Variants in SPAM1 observed in about 807,000 individuals in gnomAD.
The protein encoded by SPAM1 is sperm adhesion molecule 1.
A neutral mutation model predicts 29.6 loss-of-function variants in SPAM1; 22 were observed. The ratio of observed to expected loss-of-function variants is 0.74; its 90% confidence interval spans 0.53 to 1.06. SPAM1 has a LOEUF of 1.06. Ranked by LOEUF, SPAM1 falls within the 50% of genes least tolerant of loss-of-function variation. SPAM1 has a pLI of 0.00. For missense variants in SPAM1, 534 were observed against 604.0 expected (o/e 0.88, Z 1.21); for synonymous variants, 194 against 204.6 (o/e 0.95, Z 0.44).
downstream of SPAM1, among the ~76,000 whole-genome samples, chr7:123,960,656 A>G (rs1173263912): frequency 6.6e-6 from 1 of 151,940 alleles, no homozygotes; most frequent in Non-Finnish European, 1.5e-5. Flanking sequence ...TACAAATATT[A>G]CTACCGCCTC....
chr7:123,927,764 C>T (rs1807936199), intron 1 of SPAM1, among the ~76,000 whole-genome samples: 1 of 152,116 alleles, frequency 6.6e-6, no homozygotes, highest in African/African-American at 2.4e-5. Context: ...TGAGTAAAAG[C>T]TACAGGGTCG....
At chr7:123,963,569 T>A (rs983533661), downstream of SPAM1, among the ~76,000 whole-genome samples, 4 of 151,892 alleles carry the variant, frequency 2.6e-5, no homozygotes, top group African/African-American at 9.7e-5. Flanking sequence ...TTAAAGTACA[T>A]CAGTTACAAG....
At chr7:123,937,042 A>G (rs1304037860) in intron 1 of SPAM1, among the ~76,000 whole-genome samples, 1 of 152,210 alleles carries the variant, frequency 6.6e-6, no homozygotes, top group African/African-American at 2.4e-5. Flanking sequence ...TGTATTGTCT[A>G]AATCAGTATC....
intron 1 of SPAM1, among the ~76,000 whole-genome samples, chr7:123,939,091 T>C (rs1808344194): frequency 6.6e-6 from 1 of 151,184 alleles, no homozygotes; most frequent in East Asian, 1.9e-4. Flanking sequence ...AAGTCTTTTT[T>C]TTTTTTTTTT....
intron 4 of SPAM1, among the ~76,000 whole-genome samples, chr7:123,957,115 G>A (rs1232053302): frequency 2.0e-5 from 3 of 151,948 alleles, no homozygotes; most frequent in African/African-American, 7.2e-5. Flanking sequence ...GGAACATAGT[G>A]TTGAAGAATA....
chr7:123,952,092 G>A (rs536781134), intron 2 of SPAM1, among the ~76,000 whole-genome samples: 1 of 152,166 alleles, frequency 6.6e-6, no homozygotes, highest in South Asian at 2.1e-4. Context: ...GTATTTAAAA[G>A]CAATTAGTTT....
Position 123,970,121 on chromosome 7 carries a change from T to A in SPAM1, c.1486-77T>A, listed in dbSNP as rs1275464051. 4 of 1,453,892 alleles carry A rather than the reference T, an allele frequency of 2.8e-6. No individual in the cohort carries two copies. In the East Asian group the frequency reaches 1.0e-4, roughly 36 times the overall value. 90.1% of individuals were successfully genotyped at this position (1,453,892 alleles called of 1,614,324 possible). The stretch of plus-strand genomic sequence containing the variant: ...ATTCTGTATATCTCCATTAGTTTGC[T>A]AGTGATGCTATAACAAAGTGCCACA... On this transcript the variant is annotated intron_variant, in intron 5 of 6. Transcript: ENST00000340011.
At chr7:123,950,438 C>A (rs1269952050) in intron 2 of SPAM1, among the ~76,000 whole-genome samples, 2 of 151,934 alleles carry the variant, frequency 1.3e-5, no homozygotes, top group Non-Finnish European at 2.9e-5. Context: ...TTTCAGAGTG[C>A]CCAGTGTCTA....
chr7:123,929,362 A>G (rs1318051927), intron 1 of SPAM1, among the ~76,000 whole-genome samples: 1 of 151,876 alleles, frequency 6.6e-6, no homozygotes, highest in Non-Finnish European at 1.5e-5. Flanking sequence ...TGTTTTCTTT[A>G]TGTGTGTTTG....
At chr7:123,948,265 T>A (rs1584955523) in intron 1 of SPAM1, among the ~76,000 whole-genome samples, 1 of 152,138 alleles carries the variant, frequency 6.6e-6, no homozygotes, top group Non-Finnish European at 1.5e-5. Context: ...TAGCTTGGAG[T>A]CACTGTTACT....
At chr7:123,939,604 T>C (rs1808365492) in intron 1 of SPAM1, among the ~76,000 whole-genome samples, 1 of 152,196 alleles carries the variant, frequency 6.6e-6, no homozygotes, top group African/African-American at 2.4e-5. Context: ...GTTTAGTTAA[T>C]TAACTAATTA....
intron 1 of SPAM1, among the ~76,000 whole-genome samples, chr7:123,936,804 A>G (rs148957327): frequency 4.6e-4 from 70 of 152,280 alleles, no homozygotes; most frequent in Non-Finnish European, 8.7e-4. Flanking sequence ...TAGCTCTCCA[A>G]TTTCCCTTTT....
At chr7:123,934,111 G>A (rs555662994) in intron 1 of SPAM1, among the ~76,000 whole-genome samples, 1 of 152,260 alleles carries the variant, frequency 6.6e-6, no homozygotes, top group South Asian at 2.1e-4. Context: ...GTTTAGGTGT[G>A]TAATAGGCTA....
downstream of SPAM1, among the ~76,000 whole-genome samples, chr7:123,963,343 CTT>C (rs1792384582): frequency 7.7e-6 from 1 of 130,660 alleles, no homozygotes; most frequent in South Asian, 2.4e-4. Context: ...TTATGGGTAT[CTT>C]TTATTTTTTT....
At chr7:123,964,135 T>A (rs1302078447), downstream of SPAM1, among the ~76,000 whole-genome samples, 1 of 151,898 alleles carries the variant, frequency 6.6e-6, no homozygotes, top group African/African-American at 2.4e-5. Context: ...GTGCCATTTT[T>A]TAAAAATACT....
At chr7:123,946,620 T>C (rs1187582275) in intron 1 of SPAM1, among the ~76,000 whole-genome samples, 1 of 152,124 alleles carries the variant, frequency 6.6e-6, no homozygotes, top group Admixed American at 6.6e-5. Flanking sequence ...CATCAGTCAG[T>C]ATGTGTAAGA....
intron 1 of SPAM1, among the ~76,000 whole-genome samples, chr7:123,929,043 C>G (rs933545734): frequency 1.3e-5 from 2 of 152,022 alleles, no homozygotes; most frequent in Non-Finnish European, 2.9e-5. Flanking sequence ...GACTGTCCTG[C>G]CCAGACAAAA....
In SPAM1 at chr7:123,954,070, G is replaced by A. The variant is rs1792183617; in HGVS notation, c.500G>A (p.Arg167Lys). 9.3e-6 allele frequency: 15 copies of A among 1,613,362 alleles called. No homozygotes were observed. The highest frequency in any genetic ancestry group is 1.3e-5 in the Non-Finnish European group (15 of 1,179,706). Residue 167 changes from arginine (R) to lysine (K), a missense_variant, in exon 3 of 5, where the codon AGG becomes AAG. Physicochemically the swap from Arg to Lys is conservative, Grantham distance 26 (BLOSUM62 2). Transcript: ENST00000682466. ...AAACCTAAAGATGTTTACAAGAATAGGTCTATTGAATTGGTTCAGCAACAA... is the reference window on the plus strand; with the variant it reads ...AAACCTAAAGATGTTTACAAGAATAAGTCTATTGAATTGGTTCAGCAACAA... ...NWKPKDVYKN[R>K]SIELVQQQNV...
At chr7:123,958,385 G>A (rs147481603) in intron 4 of SPAM1, among the ~76,000 whole-genome samples, 8 of 152,088 alleles carry the variant, frequency 5.3e-5, no homozygotes, top group East Asian at 1.9e-4. Context: ...GTTAGTCATC[G>A]CTCATACTCT....
Sources: allele counts gnomAD v4.1 joint callset (sites outside exome capture counted in the v4.1 genomes callset), GRCh38; gene constraint gnomAD v4.1.1; transcripts MANE v1.5; gene names NCBI Gene and HGNC (gene_info 2026-07-23, HGNC 2026-07-21).